INTS4: variants seen among roughly 807,000 people sequenced by gnomAD.
INTS4 encodes integrator complex subunit 4.
In INTS4, 70 loss-of-function variants were observed where a neutral mutation model predicts 119.5. That is an observed-to-expected ratio of 0.59 (90% CI 0.48 to 0.71). The LOEUF (loss-of-function observed/expected upper bound fraction) is 0.71. Among genes scored for constraint, INTS4 ranks in the 30% least tolerant of loss-of-function variants. The pLI is 0.00. For synonymous variants in INTS4, 316 were observed against 419.6 expected (o/e 0.75, Z 3.02); for missense variants, 867 against 1,173.2 (o/e 0.74, Z 3.81).
chr11:77,965,345 C>T (rs1049702987), intron 4 of INTS4, among the ~76,000 whole-genome samples: 4 of 152,262 alleles, frequency 2.6e-5, no homozygotes, highest in South Asian at 2.1e-4. Context: ...AGCCACTGCA[C>T]CTCCCTACTC....
At chr11:77,909,907 C>A (rs1953049220) in intron 15 of INTS4, among the ~76,000 whole-genome samples, 1 of 152,124 alleles carries the variant, frequency 6.6e-6, no homozygotes. Context: ...CATCTCACAC[C>A]AGTTAGAATG....
chr11:77,917,819 T>C (rs1591053071), intron 15 of INTS4, among the ~76,000 whole-genome samples: 1 of 151,922 alleles, frequency 6.6e-6, no homozygotes, highest in East Asian at 2.0e-4. Flanking sequence ...CTTTTGGTTG[T>C]TCCCCAATAT....
chr11:77,944,200 G>T lies in INTS4; in HGVS notation c.919-2949C>A, dbSNP rs568339994. On this transcript the variant is annotated intron_variant, in intron 8 of 22. Coordinates refer to ENST00000534064, the MANE Select transcript of INTS4 (RefSeq NM_033547.4). ...TTTTCATACTGCTATAAGCCAAAGGGATTGGAAACTATTCACTTTTTAAGC... is the reference window on the plus strand; with the variant it reads ...TTTTCATACTGCTATAAGCCAAAGGTATTGGAAACTATTCACTTTTTAAGC... Among the ~76,000 whole-genome samples, 6 of 152,198 alleles carry T rather than the reference G, an allele frequency of 3.9e-5. No individual in the cohort carries two copies. The East Asian group carries it at 1.2e-3, about 29-fold the overall frequency.
At chr11:77,929,243 T>C (rs544386039) in intron 10 of INTS4, among the ~76,000 whole-genome samples, 2 of 152,188 alleles carry the variant, frequency 1.3e-5, no homozygotes, top group South Asian at 4.2e-4. Flanking sequence ...CCAAGATGGA[T>C]TCCTTCTCCT....
At chr11:77,934,740 T>C (rs1953749100) in intron 10 of INTS4, among the ~76,000 whole-genome samples, 1 of 152,252 alleles carries the variant, frequency 6.6e-6, no homozygotes, top group Non-Finnish European at 1.5e-5. Flanking sequence ...CTGGACTTCC[T>C]TATTATCCAA....
At chr11:77,891,589 C>T (rs1253799354) in intron 20 of INTS4, 92 bp downstream of exon 20, 6 of 1,571,738 alleles carry the variant, frequency 3.8e-6, no homozygotes, top group Non-Finnish European at 1.7e-6. Flanking sequence ...ACAGCCTAGC[C>T]CAGCTGCTCC....
chr11:77,973,643 T>C (rs577432185), intron 4 of INTS4, among the ~76,000 whole-genome samples: 5 of 152,146 alleles, frequency 3.3e-5, no homozygotes, highest in African/African-American at 4.8e-5. Flanking sequence ...TTACAAGATA[T>C]TTTATGTGTT....
intron 10 of INTS4, among the ~76,000 whole-genome samples, chr11:77,932,129 A>G (rs1008092436): frequency 1.3e-5 from 2 of 152,248 alleles, no homozygotes; most frequent in African/African-American, 4.8e-5. Context: ...CAGCAAAAGA[A>G]ACTATCATCA....
chr11:77,879,908 T>C (rs567068687), intron 22 of INTS4, among the ~76,000 whole-genome samples: 2 of 152,250 alleles, frequency 1.3e-5, no homozygotes, highest in East Asian at 3.9e-4. Context: ...CCTGCTACAT[T>C]ATGAAAGAAA....
At chr11:77,877,503 A>G (rs575734883), downstream of INTS4, among the ~76,000 whole-genome samples, 54 of 152,362 alleles carry the variant, frequency 3.5e-4, no homozygotes, top group Middle Eastern at 3.4e-3. Flanking sequence ...TTCGTTTCAC[A>G]GATGAGGAAA....
intron 8 of INTS4, among the ~76,000 whole-genome samples, chr11:77,950,588 T>C (rs1954166831): frequency 6.6e-6 from 1 of 152,156 alleles, no homozygotes; most frequent in Non-Finnish European, 1.5e-5. Context: ...GAGAGGCTGT[T>C]GAAAGTTCAT....
intron 8 of INTS4, among the ~76,000 whole-genome samples, 197 bp from the exon 9 acceptor site, chr11:77,941,448 A>G (rs886307189): frequency 7.1e-6 from 1 of 140,722 alleles, no homozygotes; most frequent in Admixed American, 7.5e-5. Context: ...AGAATGTGTC[A>G]CCTACTGTGC....
chr11:77,922,504 A>G (rs1413449736), intron 12 of INTS4, 33 bp from the exon 13 acceptor site: 17 of 976,700 alleles, frequency 1.7e-5, no homozygotes, highest in African/African-American at 3.3e-5. Context: ...CACATCAACA[A>G]ATTAGTAAAG....
Position 77,958,777 on chromosome 11 carries a change from T to C in INTS4, c.766A>G (p.Ile256Val). The change falls in exon 7 of 23, where the codon ATC (isoleucine) becomes GTC (valine). Residue 256 changes from isoleucine to valine, a missense_variant. Around this residue, in one of 5 missense-constraint regions of INTS4, gnomAD observed 208 missense variants for 306.6 expected, o/e 0.68. Coordinates refer to ENST00000534064, the MANE Select transcript of INTS4 (RefSeq NM_033547.4). ...GGATAGAGCTGACTGACGACCCAGATAAGCTGGACTGCAGCACTGCGCACT... is the reference window on the plus strand; with the variant it reads ...GGATAGAGCTGACTGACGACCCAGACAAGCTGGACTGCAGCACTGCGCACT... Reference protein sequence around the residue: ...EQVRSAAVQLIWVVSQLYPES... With the variant: ...EQVRSAAVQLVWVVSQLYPES... 1 of 1,611,210 alleles carries C rather than the reference T, an allele frequency of 6.2e-7. No individual in the cohort carries two copies. Among genetic ancestry groups the C allele is most frequent in the South Asian group, 1.1e-5 (1 of 90,890 alleles).
At chr11:77,981,738 C>CA (rs59546626) in intron 2 of INTS4, among the ~76,000 whole-genome samples, 162 bp from the exon 3 acceptor site, 19,170 of 136,904 alleles carry the variant, frequency 0.14, 1,404 homozygotes, top group East Asian at 0.27. Context: ...AGACAGCTTT[C>CA]TTTTATTTAT....
chr11:77,974,602 CT>C (rs34323538), intron 4 of INTS4, among the ~76,000 whole-genome samples: 51,660 of 136,978 alleles, frequency 0.38, 9,374 homozygotes, highest in African/African-American at 0.4. Context: ...GTAATCATGT[CT>C]TTTTTTTTTT....
chr11:77,914,295 C>T (rs527970588), intron 15 of INTS4, among the ~76,000 whole-genome samples: 4 of 152,332 alleles, frequency 2.6e-5, no homozygotes, highest in Admixed American at 6.5e-5. Context: ...TTCTAAGAGC[C>T]AGCACTGCAG....
chr11:77,949,988 C>T (rs545367115), intron 8 of INTS4, among the ~76,000 whole-genome samples: 1 of 152,260 alleles, frequency 6.6e-6, no homozygotes, highest in South Asian at 2.1e-4. Context: ...CAATGATAGA[C>T]TGGACAAAGA....
intron 15 of INTS4, among the ~76,000 whole-genome samples, chr11:77,917,734 T>C (rs1953237689): frequency 6.6e-6 from 1 of 151,946 alleles, no homozygotes; most frequent in South Asian, 2.1e-4. Context: ...CAAACAATAC[T>C]GCTTTTGCTA....
Sources: gnomAD v4.1 joint callset for allele counts (sites outside exome capture counted in the v4.1 genomes callset) on GRCh38, gnomAD v4.1.1 for gene constraint, gnomAD v4.1.1 regional missense constraint, MANE v1.5 for transcripts, NCBI Gene and HGNC (gene_info 2026-07-23, HGNC 2026-07-21) for gene names.